C10orf90: variants seen among roughly 807,000 people sequenced by gnomAD.
C10orf90 encodes the protein (E2-independent) E3 ubiquitin-conjugating enzyme FATS.
C10orf90 carries 56 observed loss-of-function variants against 62.5 expected under a neutral mutation model. The ratio of observed to expected loss-of-function variants is 0.90; its 90% confidence interval spans 0.72 to 1.12. C10orf90 has a LOEUF of 1.12. C10orf90 is among the 50% of genes most tolerant of loss of function. The pLI, the probability that C10orf90 is intolerant of heterozygous loss-of-function variation, is 0.00. For missense variants in C10orf90, 970 were observed against 880.4 expected, an observed-to-expected ratio of 1.10 and a Z score of -1.29; for synonymous variants, 386 against 340.4, an observed-to-expected ratio of 1.13 and a Z score of -1.47.
At chr10:126,636,734 T>C in intron 2 of C10orf90, among the ~76,000 whole-genome samples, 1 of 152,222 alleles carries the variant, frequency 6.6e-6, no homozygotes, top group East Asian at 1.9e-4. Flanking sequence ...TTTATATGCT[T>C]TTTTCTTTTT....
chr10:126,649,924 T>TGGAA (rs952055241), intron 1 of C10orf90, among the ~76,000 whole-genome samples: 11 of 143,948 alleles, frequency 7.6e-5, no homozygotes, highest in Admixed American at 3.6e-4. Flanking sequence ...GGAGAAAAGA[T>TGGAA]GGAAGGAAGG....
chr10:126,456,006 G>A lies in C10orf90; in HGVS notation c.2188+3034C>T, dbSNP rs901533536. ...GAGCCAAGATTGCTTGACAAGCCCC[G>A]ATCAGAGGCAGCTACCCCAGCACCA... On this transcript the variant is annotated intron_variant, in intron 7 of 9. Coordinates refer to ENST00000488181, the MANE Select transcript of C10orf90 (RefSeq NM_001350921.2). The surrounding 1 kb of genome is among the most constrained non-coding windows in gnomAD (Gnocchi z 4.9). Among the ~76,000 whole-genome samples, 11 of 152,212 alleles carry A rather than the reference G, an allele frequency of 7.2e-5. No homozygotes were observed. In the South Asian group the frequency reaches 1.7e-3, roughly 23 times the overall value.
chr10:126,616,028 A>G (rs1213092910), intron 2 of C10orf90, among the ~76,000 whole-genome samples: 1 of 152,230 alleles, frequency 6.6e-6, no homozygotes, highest in Admixed American at 6.5e-5. Context: ...CTAGAAGTGG[A>G]GCTGAGAACT....
At chr10:126,482,091 C>T (rs748234493) in intron 4 of C10orf90, among the ~76,000 whole-genome samples, 10 of 152,334 alleles carry the variant, frequency 6.6e-5, no homozygotes, top group Non-Finnish European at 1.5e-4. Context: ...CTCTACTTTG[C>T]TGATTCTAAG....
intron 4 of C10orf90, among the ~76,000 whole-genome samples, chr10:126,478,736 G>A (rs1178419839): frequency 1.3e-5 from 2 of 152,096 alleles, no homozygotes; most frequent in African/African-American, 4.8e-5. Context: ...ACCAAAGCGT[G>A]CTGGGGGAGG....
chr10:126,528,612 C>T (rs1250047099), intron 2 of C10orf90, among the ~76,000 whole-genome samples: 16 of 152,210 alleles, frequency 1.1e-4, no homozygotes, highest in Admixed American at 1.0e-3. Context: ...GGACCGTGAT[C>T]AAGGCCAGCT....
At chr10:126,543,394 T>C (rs1370749978) in intron 2 of C10orf90, among the ~76,000 whole-genome samples, 1 of 152,234 alleles carries the variant, frequency 6.6e-6, no homozygotes, top group Non-Finnish European at 1.5e-5. Flanking sequence ...CTTAGCATTA[T>C]GTCTGGCACA....
At chr10:126,636,791 A>C (rs1845960268) in intron 2 of C10orf90, among the ~76,000 whole-genome samples, 1 of 152,242 alleles carries the variant, frequency 6.6e-6, no homozygotes, top group Non-Finnish European at 1.5e-5. Flanking sequence ...GCCACTAAAA[A>C]AAATAAAAAT....
At chr10:126,564,922 AAT>A (rs1199997722) in intron 2 of C10orf90, among the ~76,000 whole-genome samples, 241 of 5,552 alleles carry the variant, frequency 0.043, 23 homozygotes, top group Non-Finnish European at 0.065. Flanking sequence ...TATTATATAT[AAT>A]ATATAAAATA....
In C10orf90 at chr10:126,437,659, T is replaced by TG. The variant is rs554430303; in HGVS notation, c.2189-7810dup. ...ATGGGACATAAAGTAATGGGACATA[T>TG]GGTATTTGGGACACATTTATACTAA... On this transcript the variant is annotated intron_variant, in intron 7 of 9. Coordinates refer to ENST00000488181, the MANE Select transcript of C10orf90 (RefSeq NM_001350921.2). 6.7e-3 allele frequency among the ~76,000 whole-genome samples: 1,016 copies of TG among 152,330 alleles called. 5 individuals carry two copies. Among genetic ancestry groups the TG allele is most frequent in the Non-Finnish European group, 0.011 (728 of 68,032 alleles).
chr10:126,609,904 A>G (rs1448412932), intron 2 of C10orf90, among the ~76,000 whole-genome samples: 1 of 152,166 alleles, frequency 6.6e-6, no homozygotes, highest in Non-Finnish European at 1.5e-5. Context: ...GAGGATATGC[A>G]TCTCCCCAGA....
At chr10:126,595,229 T>C (rs1845060764) in intron 2 of C10orf90, among the ~76,000 whole-genome samples, 1 of 152,088 alleles carries the variant, frequency 6.6e-6, no homozygotes. Flanking sequence ...CCCAAGCAGA[T>C]CATGAGGATG....
At chr10:126,489,135 G>A (rs1204656215) in intron 4 of C10orf90, among the ~76,000 whole-genome samples, 1 of 151,890 alleles carries the variant, frequency 6.6e-6, no homozygotes, top group Non-Finnish European at 1.5e-5. Flanking sequence ...CAAAATATTA[G>A]CAAATAGAAT....
intron 1 of C10orf90, among the ~76,000 whole-genome samples, chr10:126,667,538 C>A (rs1457433541): frequency 1.3e-5 from 2 of 152,132 alleles, no homozygotes; most frequent in South Asian, 2.1e-4. Flanking sequence ...GATGGGTGAG[C>A]CTTAGCTGAT....
chr10:126,430,021 A>G (rs1242999780), intron 7 of C10orf90, among the ~76,000 whole-genome samples, 171 bp from the exon 8 acceptor site: 1 of 152,236 alleles, frequency 6.6e-6, no homozygotes, highest in Non-Finnish European at 1.5e-5. Flanking sequence ...TGTATTGACA[A>G]TGGCCAACAA....
At chr10:126,594,779 G>C (rs1002778464) in intron 2 of C10orf90, among the ~76,000 whole-genome samples, 2 of 152,092 alleles carry the variant, frequency 1.3e-5, no homozygotes, top group Non-Finnish European at 2.9e-5. Context: ...CCTGAGACAG[G>C]AAGGGTTTGC....
intron 2 of C10orf90, among the ~76,000 whole-genome samples, chr10:126,552,220 C>T (rs999838901): frequency 1.3e-5 from 2 of 152,116 alleles, no homozygotes; most frequent in African/African-American, 2.4e-5. Context: ...TAGTTCATTG[C>T]CATTTTTCCC....
chr10:126,494,772 G>A (rs1337494919), intron 4 of C10orf90, among the ~76,000 whole-genome samples: 3 of 152,186 alleles, frequency 2.0e-5, no homozygotes, highest in African/African-American at 4.8e-5. Context: ...TGACTTTCGC[G>A]GTTCCTACAA....
intron 2 of C10orf90, among the ~76,000 whole-genome samples, chr10:126,566,730 A>G (rs1373541491): frequency 6.6e-6 from 1 of 152,152 alleles, no homozygotes; most frequent in East Asian, 1.9e-4. Context: ...ACAGGTGCTG[A>G]CCTTTTAGGA....
Sources: allele counts gnomAD v4.1 joint callset (sites outside exome capture counted in the v4.1 genomes callset), GRCh38; gene constraint gnomAD v4.1.1; non-coding constraint Gnocchi (gnomAD v3.1); transcripts MANE v1.5; gene names NCBI Gene and HGNC (gene_info 2026-07-23, HGNC 2026-07-21).